The following CTNND2 variants were observed in gnomAD, a reference collection of about 807,000 sequenced individuals.
CTNND2 encodes the protein catenin delta 2, also known as catenin delta-2.
In CTNND2, 22 loss-of-function variants were observed where a neutral mutation model predicts 144.4. The ratio of observed to expected loss-of-function variants is 0.15; its 90% CI spans 0.11 to 0.22. CTNND2 has a LOEUF of 0.22. Among genes scored for constraint, CTNND2 ranks in the 10% least tolerant of loss-of-function variants. The probability of loss-of-function intolerance (pLI) is 1.00; values close to 1 mark genes in which losing one functional copy is unlikely to be tolerated. For synonymous variants in CTNND2, 751 were observed against 695.6 expected (o/e 1.08, Z -1.25); for missense variants, 1,353 against 1,618.8 (o/e 0.84, Z 2.82).
rs978453303 is a variant in CTNND2, at chr5:11,667,695, T to C, written c.174+64441A>G. On this transcript the variant is annotated intron_variant, in intron 2 of 21. Coordinates refer to ENST00000304623, the MANE Select transcript of CTNND2 (RefSeq NM_001332.4). ...TTGTCAGATGGATGGATTGCAAAAA[T>C]TTTCTCCCATTCTGTAGATTGTCTG... Among the ~76,000 whole-genome samples, 6 of 152,156 alleles carry C rather than the reference T, an allele frequency of 3.9e-5. No individual in the cohort carries two copies. The East Asian group carries it at 1.2e-3, about 29-fold the overall frequency.
At position 11,896,568 on chromosome 5, in the gene CTNND2, C is replaced by T. The variant is rs112579377; in HGVS notation, c.37+7249G>A. Among the ~76,000 whole-genome samples, 5 of 152,208 alleles carry T rather than the reference C, an allele frequency of 3.3e-5. 1 individual carries two copies. The highest frequency in any genetic ancestry group is 1.2e-4 in the African/African-American group (5 of 41,548). On this transcript the variant is annotated intron_variant, in intron 1 of 21. Transcript: ENST00000304623. ...ATGCATTCAGCTAATTAATGAACTTCACCCCAAAATAAATATATACTATTC... is the reference window on the plus strand; with the variant it reads ...ATGCATTCAGCTAATTAATGAACTTTACCCCAAAATAAATATATACTATTC...
intron 15 of CTNND2, among the ~76,000 whole-genome samples, chr5:11,095,500 C>T (rs988911238): frequency 1.3e-5 from 2 of 152,188 alleles, no homozygotes; most frequent in Non-Finnish European, 2.9e-5. Context: ...CTGCAACCCT[C>T]AAGGAAGACA....
intron 12 of CTNND2, among the ~76,000 whole-genome samples, chr5:11,126,233 G>T (rs1174083231): frequency 6.6e-6 from 1 of 152,122 alleles, no homozygotes; most frequent in Non-Finnish European, 1.5e-5. Context: ...CCCGGGATGC[G>T]GAGGTTGCGG....
chr5:11,878,348 A>G (rs1176905617), intron 1 of CTNND2, among the ~76,000 whole-genome samples: 2 of 152,150 alleles, frequency 1.3e-5, no homozygotes, highest in East Asian at 1.9e-4. Context: ...ATTTCTTACA[A>G]AAGTTTGCTG....
At chr5:11,280,560 G>A (rs1747010294) in intron 9 of CTNND2, among the ~76,000 whole-genome samples, 1 of 152,152 alleles carries the variant, frequency 6.6e-6, no homozygotes, top group South Asian at 2.1e-4. Context: ...CGATATCAGA[G>A]CTCCACCTTT....
chr5:11,431,645 G>C (rs144775245), intron 3 of CTNND2, among the ~76,000 whole-genome samples: 2 of 152,280 alleles, frequency 1.3e-5, no homozygotes, highest in African/African-American at 4.8e-5. Context: ...GGTGGAGAGA[G>C]GGGCCACATA....
At chr5:10,978,395 G>A (rs1695726940) in intron 21 of CTNND2, among the ~76,000 whole-genome samples, 2 of 152,250 alleles carry the variant, frequency 1.3e-5, no homozygotes, top group Admixed American at 6.5e-5. Flanking sequence ...GTGAAGACAA[G>A]GTTTATTCCT....
intron 18 of CTNND2, among the ~76,000 whole-genome samples, chr5:11,001,032 A>T (rs570597243): frequency 2.0e-5 from 3 of 152,322 alleles, no homozygotes; most frequent in African/African-American, 7.2e-5. Context: ...TCCATTCCCA[A>T]GGTTGACTTC....
chr5:11,150,748 T>C (rs780289505), intron 12 of CTNND2, among the ~76,000 whole-genome samples: 1 of 148,188 alleles, frequency 6.7e-6, no homozygotes, highest in African/African-American at 2.5e-5. Context: ...TGCCTCAGAC[T>C]CCTGAGTAGC....
At chr5:11,790,948 G>C (rs1426351879) in intron 1 of CTNND2, among the ~76,000 whole-genome samples, 3 of 152,084 alleles carry the variant, frequency 2.0e-5, no homozygotes, top group Non-Finnish European at 1.5e-5. Flanking sequence ...GACATAACTG[G>C]TTCAAATGAG....
intron 1 of CTNND2, among the ~76,000 whole-genome samples, chr5:11,823,955 A>G (rs1036133089): frequency 6.6e-5 from 10 of 151,994 alleles, no homozygotes; most frequent in African/African-American, 2.2e-4. Flanking sequence ...TAAAAATACA[A>G]AAATTAGCTG....
intron 15 of CTNND2, among the ~76,000 whole-genome samples, chr5:11,085,762 G>C (rs952336240): frequency 6.6e-6 from 1 of 152,196 alleles, no homozygotes; most frequent in African/African-American, 2.4e-5. Flanking sequence ...CAAGAGATGC[G>C]GCAGCACTGT....
At chr5:11,498,311 C>T (rs1303522472) in intron 3 of CTNND2, among the ~76,000 whole-genome samples, 1 of 152,032 alleles carries the variant, frequency 6.6e-6, no homozygotes, top group Non-Finnish European at 1.5e-5. Context: ...CAGCTCATCA[C>T]CAAGTTCGAC....
chr5:11,823,353 G>A (rs978394786), intron 1 of CTNND2, among the ~76,000 whole-genome samples: 1 of 152,128 alleles, frequency 6.6e-6, no homozygotes, highest in Admixed American at 6.5e-5. Context: ...GATTACTACA[G>A]TCAATCACGA....
intron 3 of CTNND2, among the ~76,000 whole-genome samples, chr5:11,481,235 T>A (rs1768238413): frequency 6.6e-6 from 1 of 152,160 alleles, no homozygotes. Context: ...TTGCTCCTCA[T>A]GGATTGTTTT....
intron 1 of CTNND2, among the ~76,000 whole-genome samples, chr5:11,806,707 G>A (rs1712646092): frequency 6.6e-6 from 1 of 151,828 alleles, no homozygotes; most frequent in African/African-American, 2.4e-5. Flanking sequence ...GTGCACATTG[G>A]GGAAATCTAA....
At chr5:11,698,345 G>A (rs1214250126) in intron 2 of CTNND2, among the ~76,000 whole-genome samples, 1 of 150,404 alleles carries the variant, frequency 6.6e-6, no homozygotes, top group African/African-American at 2.4e-5. Context: ...CTGGAATGCA[G>A]TGGCGCGATC....
chr5:11,488,929 C>T (rs564872866), intron 3 of CTNND2, among the ~76,000 whole-genome samples: 22 of 152,296 alleles, frequency 1.4e-4, no homozygotes, highest in Admixed American at 1.2e-3. Flanking sequence ...TATTCCAGAA[C>T]ATGGACGTGT....
chr5:11,688,222 T>C (rs1364140883), intron 2 of CTNND2, among the ~76,000 whole-genome samples: 1 of 152,128 alleles, frequency 6.6e-6, no homozygotes, highest in African/African-American at 2.4e-5. Flanking sequence ...GAGCTTCATG[T>C]CTCTGCCCCC....
Sources: gnomAD v4.1 joint callset for allele counts (sites outside exome capture counted in the v4.1 genomes callset) on GRCh38, gnomAD v4.1.1 for gene constraint, MANE v1.5 for transcripts, NCBI Gene and HGNC (gene_info 2026-07-23, HGNC 2026-07-21) for gene names.